NEB: variants seen among roughly 807,000 people sequenced by gnomAD.
NEB encodes the protein nemaline myopathy type 2.
NEB carries 512 observed loss-of-function variants against 952.2 expected under a neutral mutation model. The ratio of observed to expected loss-of-function variants is 0.54; its 90% CI spans 0.50 to 0.58. The LOEUF is 0.58. Ranked by LOEUF, NEB falls within the 20% of genes least tolerant of loss-of-function variation. The pLI, the probability that NEB is intolerant of heterozygous loss-of-function variation, is 0.00. For missense variants in NEB, 8,428 were observed against 9,231.1 expected (o/e 0.91, Z 3.56); for synonymous variants, 2,900 against 3,149.8 (o/e 0.92, Z 2.66).
At chr2:151,549,780 A>C (rs1177517162) in intron 129 of NEB, 40 bp from the exon 130 acceptor site, 10 of 1,203,136 alleles carry the variant, frequency 8.3e-6, no homozygotes, top group Non-Finnish European at 1.2e-5. Context: ...GACATCGGGC[A>C]TCAAGTAACT....
At chr2:151,649,917 C>A (rs1404743545) in intron 54 of NEB, among the ~76,000 whole-genome samples, 1 of 152,102 alleles carries the variant, frequency 6.6e-6, no homozygotes, top group Admixed American at 6.6e-5. Flanking sequence ...CAAAGAAAAA[C>A]AGTTTGTTCG....
rs1257433704 is a variant in NEB, at chr2:151,503,136, T to C, written c.23835+213A>G. ...GGAATCTTGTTAATTCTACTTATAGTATTTCAAATCTAGTCAAGTCACTGA... is the reference window on the plus strand; with the variant it reads ...GGAATCTTGTTAATTCTACTTATAGCATTTCAAATCTAGTCAAGTCACTGA... On this transcript the variant is annotated intron_variant, in intron 166 of 181. Transcript: ENST00000397345. The C allele has an allele frequency of 6.7e-6, 4 of 593,256 alleles. No individual in the cohort carries two copies. The East Asian group carries it at 1.1e-4, about 17-fold the overall frequency. 36.7% of individuals were successfully genotyped at this position (593,256 alleles called of 1,614,324 possible). A position where few individuals can be genotyped will look rare whatever the true frequency, so the allele number is the denominator to read the frequency against.
rs2091247359 is a variant in NEB at position 151,531,806 on chromosome 2, T to C, written c.21508A>G (p.Lys7170Glu). The change falls in exon 144 of 182, where the codon AAA becomes GAA. Residue 7170 changes from lysine to glutamate, a missense_variant. Lys to Glu is a moderately conservative substitution (Grantham distance 56, BLOSUM62 1). Transcript: ENST00000397345. Reference protein sequence around the residue: ...PEHLRTTKVNKQISDILYKLE... With the variant: ...PEHLRTTKVNEQISDILYKLE... ...CTTGCACTTACATCGCTGATTTGTT[T>C]GTTGACTTTTGTAGTACGCAGGTGT... is the stretch of plus-strand genomic sequence containing the variant. The C allele has an allele frequency of 1.2e-6, 2 of 1,611,554 alleles. No individual in the cohort carries two copies. Among genetic ancestry groups the C allele is most frequent in the Non-Finnish European group, 1.7e-6 (2 of 1,178,176 alleles).
chr2:151,640,676 G>T lies in NEB; in HGVS notation c.8374-10C>A. On this transcript the variant is annotated splice_polypyrimidine_tract_variant and intron_variant, in intron 60 of 181. Coordinates refer to ENST00000397345, the MANE Select transcript of NEB (RefSeq NM_001164508.2). ...CTTCTTTGTACTTGAACTAAAAGAA[G>T]AAAAAGACAGATAGTCATCTGTTTT... is the stretch of plus-strand genomic sequence containing the variant. The T allele has an allele frequency of 2.5e-6, 4 of 1,599,272 alleles. No individual in the cohort carries two copies. Among genetic ancestry groups the T allele is most frequent in the Non-Finnish European group, 3.4e-6 (4 of 1,170,722 alleles).
chr2:151,526,451 ACAAT>A (rs1165566193), intron 148 of NEB, among the ~76,000 whole-genome samples, 189 bp from the exon 149 acceptor site: 1 of 152,204 alleles, frequency 6.6e-6, no homozygotes, highest in Non-Finnish European at 1.5e-5. Context: ...GGTTTTAATA[ACAAT>A]CAAAATGGAT....
chr2:151,573,930 C>A (rs1485107056), intron 107 of NEB, among the ~76,000 whole-genome samples: 10 of 151,258 alleles, frequency 6.6e-5, no homozygotes, highest in Non-Finnish European at 1.0e-4. Flanking sequence ...GATAATTTGG[C>A]CTCTTTCTTT....
rs4664486 is a variant in NEB at position 151,546,500 on chromosome 2, C to T, written c.20368-57G>A. 0.61 allele frequency: 654,607 copies of T among 1,075,564 alleles called. 203,336 individuals carry two copies. The highest frequency in any genetic ancestry group is 0.72 in the Admixed American group (40,889 of 57,134). 66.6% of individuals were successfully genotyped at this position (1,075,564 alleles called of 1,614,324 possible). A position where few individuals can be genotyped will look rare whatever the true frequency, so the allele number is the denominator to read the frequency against. On this transcript the variant is annotated intron_variant, in intron 133 of 181. Transcript: ENST00000397345. ...ATAAGCAAATGTAAGTCAGGAAACA[C>T]AAAAGATGGAGTAGCAACACTTCTT...
At chr2:151,719,663 T>C (rs1330689477) in intron 9 of NEB, among the ~76,000 whole-genome samples, 10 of 152,106 alleles carry the variant, frequency 6.6e-5, no homozygotes, top group Non-Finnish European at 1.2e-4. Context: ...GGCGGATGAA[T>C]TGCTCAAAGG....
intron 12 of NEB, among the ~76,000 whole-genome samples, chr2:151,707,855 G>A (rs966843799): frequency 1.2e-4 from 19 of 152,142 alleles, no homozygotes; most frequent in African/African-American, 4.3e-4. Context: ...GAAGCACAGA[G>A]GCATCAACCC....
chr2:151,540,757 G>A lies in NEB; in HGVS notation c.20727C>T (p.His6909=), dbSNP rs779779886. The change falls in exon 137 of 182, where the codon CAC becomes CAT. Residue 6909 remains histidine (H), a synonymous_variant. Coordinates refer to ENST00000397345, the MANE Select transcript of NEB (RefSeq NM_001164508.2). ...TCAAGGCTGTGGTCTGGTTTCCAGC[G>A]TGATGATGGGGTCTCTCTTTGGTGG... ...ELATKERPHH[H]AGNQTTALKH... is the part of the protein sequence containing the mutation. 27 of 1,613,446 alleles carry A rather than the reference G, an allele frequency of 1.7e-5. No homozygotes were observed. The highest frequency in any genetic ancestry group is 1.0e-4 in the Admixed American group (6 of 59,976).
At chr2:151,575,551 T>C (rs1345962738) in intron 107 of NEB, 144 bp downstream of exon 107, 1 of 623,348 alleles carries the variant, frequency 1.6e-6, no homozygotes, top group African/African-American at 1.9e-5. Flanking sequence ...CTTGCCTCAC[T>C]CCTAGTCAAG....
chr2:151,693,358 A>G (rs1391200870), intron 20 of NEB, among the ~76,000 whole-genome samples: 2 of 151,984 alleles, frequency 1.3e-5, no homozygotes, highest in Non-Finnish European at 1.5e-5. Flanking sequence ...TGCACAGATC[A>G]TCCTGTCACC....
Position 151,552,657 on chromosome 2 carries a change from C to T in NEB, c.19836+15G>A, listed in dbSNP as rs1370818868. The T allele has an allele frequency of 6.3e-7, 1 of 1,590,232 alleles. No homozygotes were observed. Among genetic ancestry groups the T allele is most frequent in the Non-Finnish European group, 8.6e-7 (1 of 1,160,056 alleles). On this transcript the variant is annotated intron_variant, in intron 128 of 181. Coordinates refer to ENST00000397345, the MANE Select transcript of NEB (RefSeq NM_001164508.2). ...CTTTATTACTGTCCACTTAACTTCC[C>T]CAGTGATCACTTACGTCACTTAGCT...
chr2:151,541,382 G>T, intron 136 of NEB, 65 bp downstream of exon 136: 1 of 1,276,574 alleles, frequency 7.8e-7, no homozygotes, highest in Non-Finnish European at 1.1e-6. Flanking sequence ...GGCCAGGTGA[G>T]GCCAGGCACA....
intron 34 of NEB, among the ~76,000 whole-genome samples, chr2:151,675,995 C>T (rs2099356613): frequency 1.3e-5 from 2 of 152,104 alleles, no homozygotes. Context: ...CTTACTGCAT[C>T]CTCCTCCTGG....
At chr2:151,488,394 C>T (rs1415037427) in intron 181 of NEB, among the ~76,000 whole-genome samples, 2 of 151,534 alleles carry the variant, frequency 1.3e-5, no homozygotes, top group Admixed American at 1.3e-4. Context: ...TGCCTGTAAT[C>T]CCAGCATTTT....
chr2:151,679,065 C>T (rs2148552177), intron 32 of NEB, among the ~76,000 whole-genome samples: 1 of 152,166 alleles, frequency 6.6e-6, no homozygotes, highest in African/African-American at 2.4e-5. Flanking sequence ...TGAGCTCAAG[C>T]CAGCCAGGAG....
Position 151,609,877 on chromosome 2 carries a change from C to T in NEB, c.12262G>A (p.Glu4088Lys), listed in dbSNP as rs1356997734. 1 of 1,612,468 alleles carries T rather than the reference C, an allele frequency of 6.2e-7. No individual in the cohort carries two copies. Among genetic ancestry groups the T allele is most frequent in the African/African-American group, 1.3e-5 (1 of 74,886 alleles). Residue 4088 changes from glutamate to lysine, a missense_variant, in exon 81 of 182, where the codon GAA (glutamate) becomes AAA (lysine). Physicochemically the swap from Glu to Lys is moderately conservative, Grantham distance 56. Transcript: ENST00000397345. ...TDIDYRNYLH[E>K]WTCMPDQNDI... is the part of the protein sequence containing the mutation. Reference sequence around the variant, plus strand: ...TTTTGATCCGGCATGCATGTCCATTCATGCAGGTAATTGCGATAATCAATG... The same window carrying T: ...TTTTGATCCGGCATGCATGTCCATTTATGCAGGTAATTGCGATAATCAATG...
At chr2:151,621,760 G>A (rs1026722776) in intron 71 of NEB, among the ~76,000 whole-genome samples, 1 of 152,070 alleles carries the variant, frequency 6.6e-6, no homozygotes, top group Non-Finnish European at 1.5e-5. Flanking sequence ...CCCTTTTTGT[G>A]AACCAGTGAT....
Sources: gnomAD v4.1 joint callset for allele counts (sites outside exome capture counted in the v4.1 genomes callset) on GRCh38, gnomAD v4.1.1 for gene constraint, MANE v1.5 for transcripts, NCBI Gene and HGNC (gene_info 2026-07-23, HGNC 2026-07-21) for gene names.